Variants in NDRG3 observed in about 807,000 individuals in gnomAD.
NDRG3 encodes NDRG family member 3.
A neutral mutation model predicts 57.2 loss-of-function variants in NDRG3; 23 were observed. That is an observed-to-expected ratio of 0.40 (90% CI 0.29 to 0.57). The LOEUF (loss-of-function observed/expected upper bound fraction) is 0.57. Ranked by LOEUF, NDRG3 falls within the 20% of genes least tolerant of loss-of-function variation. NDRG3 has a pLI of 0.42. For synonymous variants in NDRG3, 132 were observed against 162.6 expected, an observed-to-expected ratio of 0.81 and a Z score of 1.43; for missense variants, 384 against 457.3, an observed-to-expected ratio of 0.84 and a Z score of 1.46.
At chr20:36,713,888 T>C (rs898850305) in intron 2 of NDRG3, among the ~76,000 whole-genome samples, 13 of 152,068 alleles carry the variant, frequency 8.5e-5, no homozygotes, top group African/African-American at 3.1e-4. Context: ...CTTTTAGAAA[T>C]AAGCTGATAA....
At position 36,665,051 on chromosome 20, in the gene NDRG3, C is replaced by G. The variant is rs1326149962; in HGVS notation, c.805G>C (p.Ala269Pro). The G allele has an allele frequency of 6.2e-7, 1 of 1,614,120 alleles. No individual in the cohort carries two copies. Among genetic ancestry groups the G allele is most frequent in the Admixed American group, 1.7e-5 (1 of 60,018 alleles). ...CAGCATGAGGACATACTTACCACAG[C>G]CTCAACTGCAGGCGAATTGTCCCCT... is the stretch of plus-strand genomic sequence containing the variant. The part of the protein sequence containing the change: ...VVGDNSPAVE[A>P]VVECNSRLNP... The change falls in exon 12 of 16, where the codon GCT (alanine) becomes CCT (proline). Residue 269 changes from alanine to proline, a missense_variant. Physicochemically the swap from Ala to Pro is conservative, Grantham distance 27. Transcript: ENST00000349004.
intron 8 of NDRG3, among the ~76,000 whole-genome samples, chr20:36,677,139 C>T (rs1467099334): frequency 1.3e-5 from 2 of 152,190 alleles, no homozygotes; most frequent in East Asian, 3.9e-4. Flanking sequence ...GGGCCCCTTC[C>T]CAGCTGGCGG....
At chr20:36,727,292 T>C (rs1278486544) in intron 1 of NDRG3, among the ~76,000 whole-genome samples, 1 of 152,038 alleles carries the variant, frequency 6.6e-6, no homozygotes, top group Non-Finnish European at 1.5e-5. Context: ...CGATCTCAGC[T>C]CACTGCAACC....
At chr20:36,719,979 C>T (rs1175977982) in intron 2 of NDRG3, among the ~76,000 whole-genome samples, 4 of 151,056 alleles carry the variant, frequency 2.6e-5, no homozygotes, top group East Asian at 4.0e-4. Context: ...GCCAGGTGCA[C>T]GCCTGTAATC....
chr20:36,678,008 CTGGGAG>C (rs1980906524), intron 8 of NDRG3, among the ~76,000 whole-genome samples: 1 of 152,158 alleles, frequency 6.6e-6, no homozygotes, highest in African/African-American at 2.4e-5. Context: ...GGGACTGGGA[CTGGGAG>C]TGCTTATATT....
chr20:36,704,101 G>T (rs1983407633), intron 3 of NDRG3, among the ~76,000 whole-genome samples: 1 of 151,648 alleles, frequency 6.6e-6, no homozygotes, highest in Admixed American at 6.6e-5. Flanking sequence ...CTTTGAGATG[G>T]AGTCTCACTC....
chr20:36,722,819 T>TG (rs2148199827), intron 1 of NDRG3, among the ~76,000 whole-genome samples: 1 of 152,326 alleles, frequency 6.6e-6, no homozygotes, highest in East Asian at 1.9e-4. Context: ...GGATGGCTCG[T>TG]GTAACTAATA....
intron 3 of NDRG3, among the ~76,000 whole-genome samples, chr20:36,695,809 C>T (rs1982734546): frequency 6.6e-6 from 1 of 152,148 alleles, no homozygotes; most frequent in South Asian, 2.1e-4. Flanking sequence ...TATCCATTTG[C>T]CTTGTGATAT....
chr20:36,674,061 G>A (rs1338658927), intron 8 of NDRG3, among the ~76,000 whole-genome samples: 10 of 151,984 alleles, frequency 6.6e-5, no homozygotes, highest in African/African-American at 1.4e-4. Flanking sequence ...CCGAGATCAC[G>A]CCACTGCACA....
In NDRG3 at chr20:36,653,303, G is replaced by T; in HGVS notation, c.*217C>A. On this transcript the variant is annotated 3_prime_UTR_variant, in exon 16 of 16. Coordinates refer to ENST00000349004, the MANE Select transcript of NDRG3 (RefSeq NM_032013.4). The surrounding 1 kb of genome is among the most constrained non-coding windows in gnomAD (Gnocchi z 4.2). ...TGGAGAGATCTGATCAGCTAAAGAT[G>T]TTGGAATGTTACAGTATGGCATGGA... The T allele has an allele frequency of 3.9e-6, 2 of 509,362 alleles. No individual in the cohort carries two copies. The highest frequency in any genetic ancestry group is 6.3e-5 in the East Asian group (2 of 31,984). The allele number at this position is 509,362 out of a possible 1,614,324, so 31.6% of individuals were successfully genotyped here. A position where few individuals can be genotyped will look rare whatever the true frequency, so the allele number is the denominator to read the frequency against.
chr20:36,695,198 T>C, intron 3 of NDRG3, among the ~76,000 whole-genome samples: 1 of 152,194 alleles, frequency 6.6e-6, no homozygotes, highest in East Asian at 1.9e-4. Flanking sequence ...CTTACTTTAA[T>C]CTCTTAATGC....
intron 3 of NDRG3, among the ~76,000 whole-genome samples, chr20:36,701,379 AT>A (rs1253678386): frequency 6.6e-6 from 1 of 151,802 alleles, no homozygotes; most frequent in Non-Finnish European, 1.5e-5. Context: ...TCTACAAAAA[AT>A]ATATATATTT....
intron 3 of NDRG3, among the ~76,000 whole-genome samples, chr20:36,692,545 T>A (rs960411067): frequency 6.6e-6 from 1 of 152,156 alleles, no homozygotes; most frequent in Admixed American, 6.5e-5. Flanking sequence ...ATACTGTTGG[T>A]AAGGCATATA....
chr20:36,733,610 C>T (rs917320648), intron 1 of NDRG3, among the ~76,000 whole-genome samples: 3 of 151,842 alleles, frequency 2.0e-5, no homozygotes, highest in African/African-American at 7.3e-5. Context: ...TGTAGTCCAG[C>T]TACTCGGCAG....
At chr20:36,704,556 A>T (rs920785165) in intron 3 of NDRG3, among the ~76,000 whole-genome samples, 4 of 152,184 alleles carry the variant, frequency 2.6e-5, no homozygotes, top group Non-Finnish European at 5.9e-5. Flanking sequence ...TATTAACAGT[A>T]ATCAAGCTCT....
At chr20:36,721,924 G>A (rs1984617691) in intron 1 of NDRG3, 141 bp from the exon 2 acceptor site, 5 of 538,938 alleles carry the variant, frequency 9.3e-6, no homozygotes, top group Admixed American at 3.5e-5. Flanking sequence ...ACATAGTTAC[G>A]GCAGATAGAC....
chr20:36,689,415 G>A (rs1218920935), intron 3 of NDRG3, among the ~76,000 whole-genome samples: 1 of 152,090 alleles, frequency 6.6e-6, no homozygotes, highest in Non-Finnish European at 1.5e-5. Flanking sequence ...GACTTGTGGG[G>A]AAAAAAGGAA....
chr20:36,715,049 TATATA>T (rs1568662065), intron 2 of NDRG3, among the ~76,000 whole-genome samples: 2 of 121,202 alleles, frequency 1.7e-5, no homozygotes, highest in African/African-American at 6.2e-5. Context: ...TATATATATA[TATATA>T]TTATATTTAA....
At chr20:36,740,118 A>C (rs1445870045) in intron 1 of NDRG3, among the ~76,000 whole-genome samples, 3 of 152,154 alleles carry the variant, frequency 2.0e-5, no homozygotes, top group Non-Finnish European at 2.9e-5. Context: ...TGTACTTAGA[A>C]AATTAATCTT....
Sources: allele counts gnomAD v4.1 joint callset (sites outside exome capture counted in the v4.1 genomes callset), GRCh38; gene constraint gnomAD v4.1.1; non-coding constraint Gnocchi (gnomAD v3.1); transcripts MANE v1.5; gene names NCBI Gene and HGNC (gene_info 2026-07-23, HGNC 2026-07-21).